LRRC8B: variants seen among roughly 807,000 people sequenced by gnomAD.
The protein encoded by LRRC8B is leucine rich repeat containing 8 VRAC subunit B, also known as volume-regulated anion channel subunit LRRC8B.
In LRRC8B, 23 loss-of-function variants were observed where a neutral mutation model predicts 58.8. That is an observed-to-expected ratio of 0.39 (90% confidence interval 0.28 to 0.55). The LOEUF (loss-of-function observed/expected upper bound fraction) is 0.55, where lower values mean the gene tolerates loss of function less well. LRRC8B is among the 20% of genes least tolerant of loss of function. The pLI is 0.62. For synonymous variants in LRRC8B, 359 were observed against 374.1 expected (o/e 0.96, Z 0.47); for missense variants, 694 against 936.0 (o/e 0.74, Z 3.37).
intron 5 of LRRC8B, among the ~76,000 whole-genome samples, chr1:89,586,663 A>G (rs1175670264): frequency 1.3e-5 from 2 of 152,256 alleles, no homozygotes; most frequent in Admixed American, 6.5e-5. Context: ...TGAATAAGAA[A>G]GAATACTTTG....
intron 3 of LRRC8B, among the ~76,000 whole-genome samples, chr1:89,573,646 T>A (rs1653630596): frequency 6.6e-6 from 1 of 152,232 alleles, no homozygotes; most frequent in Non-Finnish European, 1.5e-5. Context: ...ATTTTTGTGT[T>A]CCAGAAATAC....
At position 89,587,386 on chromosome 1, in the gene LRRC8B, T is replaced by A. The variant is rs12563963; in HGVS notation, c.2139+2597T>A. ...CCATCTCTACTAATAATAAAAAAAT[T>A]AGCCGGGCATGGTGGCACGCGCCTG... On this transcript the variant is annotated intron_variant, in intron 5 of 5. Transcript: ENST00000330947. Among the ~76,000 whole-genome samples, 70 of 152,232 alleles carry A rather than the reference T, an allele frequency of 4.6e-4. No homozygotes were observed. In the East Asian group the frequency reaches 0.013, roughly 28 times the overall value.
Position 89,577,910 on chromosome 1 carries a change from A to G in LRRC8B, c.-124-1681A>G, listed in dbSNP as rs115973584. Among the ~76,000 whole-genome samples the G allele has an allele frequency of 2.0e-3, 309 of 152,228 alleles. 3 individuals are homozygous for G. The highest frequency in any genetic ancestry group is 6.8e-3 in the African/African-American group (283 of 41,530). ...TAATTAGCTTTTTCTTCAGCTTTTG[A>G]GAGACCTAAGACTGTGGCGTAGTTA... On this transcript the variant is annotated intron_variant, in intron 3 of 5. Coordinates refer to ENST00000330947, the MANE Select transcript of LRRC8B (RefSeq NM_001369817.2).
At chr1:89,564,060 CA>C (rs1652865759) in intron 1 of LRRC8B, among the ~76,000 whole-genome samples, 1 of 152,146 alleles carries the variant, frequency 6.6e-6, no homozygotes, top group African/African-American at 2.4e-5. Flanking sequence ...ATTTTAACCA[CA>C]TTGTAATCGG....
At chr1:89,532,257 C>G (rs2100790344) in intron 1 of LRRC8B, among the ~76,000 whole-genome samples, 1 of 152,284 alleles carries the variant, frequency 6.6e-6, no homozygotes, top group African/African-American at 2.4e-5. Context: ...CTCTATTCCC[C>G]TCACCCCCAC....
chr1:89,540,969 A>G (rs1380668444), intron 1 of LRRC8B, among the ~76,000 whole-genome samples: 1 of 152,212 alleles, frequency 6.6e-6, no homozygotes, highest in Non-Finnish European at 1.5e-5. Context: ...GAAGGAGTGG[A>G]TTAAGTTTTG....
intron 1 of LRRC8B, among the ~76,000 whole-genome samples, chr1:89,541,153 A>T (rs1650936009): frequency 2.0e-5 from 3 of 152,366 alleles, no homozygotes. Flanking sequence ...CACTTTGCAC[A>T]GGAGAGGTTT....
At chr1:89,543,306 C>CA (rs1307074883) in intron 1 of LRRC8B, among the ~76,000 whole-genome samples, 1 of 152,282 alleles carries the variant, frequency 6.6e-6, no homozygotes, top group East Asian at 1.9e-4. Context: ...TAACAATACT[C>CA]AAAGTATTCA....
In LRRC8B at chr1:89,582,784, T is replaced by C. The variant is rs1654327094; in HGVS notation, c.134T>C (p.Leu45Pro). The change falls in exon 5 of 6, where the codon CTC (leucine) becomes CCC (proline). Residue 45 changes from leucine to proline, a missense_variant. Physicochemically the swap from Leu to Pro is moderately conservative, Grantham distance 98. Around this residue, in one of 5 missense-constraint regions of LRRC8B, gnomAD observed 316 missense variants for 403.8 expected, o/e 0.78. Transcript: ENST00000330947. ...CTGGTGGCCGTGCTGGCCGGAGCTC[T>C]CCAGCTGACGCAGAGCAGGGTTCTG... ...MLLVAVLAGA[L>P]QLTQSRVLCC... 6.2e-7 allele frequency: 1 copy of C among 1,614,188 alleles called. No individual in the cohort carries two copies. The highest frequency in any genetic ancestry group is 2.2e-5 in the East Asian group (1 of 44,874).
intron 1 of LRRC8B, chr1:89,558,700 A>G (rs1489119057): frequency 1.3e-5 from 2 of 152,200 alleles, no homozygotes; most frequent in African/African-American, 2.4e-5. Context: ...ACGTAAATGT[A>G]TTCCTCACAG....
At position 89,583,890 on chromosome 1, in the gene LRRC8B, C is replaced by G; in HGVS notation, c.1240C>G (p.Leu414Val). ...EWTVEKLKSK[L>V]VKNAQDKIEL... Reference sequence around the variant, plus strand: ...GACAGTTGAGAAACTGAAAAGTAAGCTTGTGAAAAATGCCCAGGACAAGAT... The same window carrying G: ...GACAGTTGAGAAACTGAAAAGTAAGGTTGTGAAAAATGCCCAGGACAAGAT... Residue 414 changes from leucine to valine, a missense_variant, in exon 5 of 6, where the codon CTT becomes GTT. Leu to Val is a conservative substitution (Grantham distance 32). Coordinates refer to ENST00000330947, the MANE Select transcript of LRRC8B (RefSeq NM_001369817.2). The surrounding 1 kb of genome is among the most constrained non-coding windows in gnomAD (Gnocchi z 5.2). 1 of 1,614,174 alleles carries G rather than the reference C, an allele frequency of 6.2e-7. No homozygotes were observed. Among genetic ancestry groups the G allele is most frequent in the Non-Finnish European group, 8.5e-7 (1 of 1,180,026 alleles).
At chr1:89,530,242 C>T (rs1218318725) in intron 1 of LRRC8B, among the ~76,000 whole-genome samples, 1 of 151,436 alleles carries the variant, frequency 6.6e-6, no homozygotes, top group Non-Finnish European at 1.5e-5. Context: ...GCCTATAGTC[C>T]CAGCTACTCG....
rs558777080 is a variant in LRRC8B at position 89,583,778 on chromosome 1, T to C, written c.1128T>C (p.Tyr376=). Residue 376 remains tyrosine (Y), a synonymous_variant, in exon 5 of 6, where the codon TAT becomes TAC. Coordinates refer to ENST00000330947, the MANE Select transcript of LRRC8B (RefSeq NM_001369817.2). This position sits in a 1 kb window ranked among gnomAD's most constrained non-coding sequence, Gnocchi z 5.2. ...FAFILHLADQ[Y]DPLYSKRFSI... ...TCATCCTTCATCTGGCTGATCAGTATGATCCTCTTTATTCCAAACGCTTCT... is the reference window on the plus strand; with the variant it reads ...TCATCCTTCATCTGGCTGATCAGTACGATCCTCTTTATTCCAAACGCTTCT... 1.4e-5 allele frequency: 23 copies of C among 1,614,216 alleles called. 2 individuals carry two copies. The South Asian group carries it at 2.5e-4, about 18-fold the overall frequency.
Position 89,583,605 on chromosome 1 carries a change from T to C in LRRC8B, c.955T>C (p.Tyr319His). 6.2e-7 allele frequency: 1 copy of C among 1,611,980 alleles called. No homozygotes were observed. Among genetic ancestry groups the C allele is most frequent in the Non-Finnish European group, 8.5e-7 (1 of 1,180,026 alleles). The change falls in exon 5 of 6, where the codon TAT becomes CAT. Residue 319 changes from tyrosine to histidine, a missense_variant. Physicochemically the swap from Tyr to His is moderately conservative, Grantham distance 83. Coordinates refer to ENST00000330947, the MANE Select transcript of LRRC8B (RefSeq NM_001369817.2). This position sits in a 1 kb window ranked among gnomAD's most constrained non-coding sequence, Gnocchi z 5.2. ...AATCTTTAAGGTCCTGGCTTCATTT[T>C]ATGTCATTTTGGTTATACTTTATGG... ...AEIFKVLASF[Y>H]VILVILYGLT...
intron 1 of LRRC8B, among the ~76,000 whole-genome samples, chr1:89,538,995 T>G (rs2100826396): frequency 6.6e-6 from 1 of 152,314 alleles, no homozygotes; most frequent in East Asian, 1.9e-4. Context: ...GTGCTGGGAT[T>G]ACAGGTGTGA....
intron 1 of LRRC8B, among the ~76,000 whole-genome samples, chr1:89,539,514 G>A (rs898152646): frequency 3.9e-5 from 6 of 152,160 alleles, no homozygotes; most frequent in African/African-American, 7.2e-5. Context: ...AATTCCCATC[G>A]TCTTTTACTT....
At chr1:89,565,331 A>G (rs1652968726) in intron 1 of LRRC8B, among the ~76,000 whole-genome samples, 3 of 152,176 alleles carry the variant, frequency 2.0e-5, no homozygotes, top group African/African-American at 7.2e-5. Flanking sequence ...GTCATTTTGG[A>G]ATGCTGTGGC....
At chr1:89,562,084 C>T (rs77339270) in intron 1 of LRRC8B, among the ~76,000 whole-genome samples, 4,409 of 150,526 alleles carry the variant, frequency 0.029, 91 homozygotes, top group Non-Finnish European at 0.041. Context: ...ACATAGGCAC[C>T]CAGTAAGTGT....
chr1:89,581,088 G>A lies in LRRC8B; in HGVS notation c.-27+1400G>A, dbSNP rs572148790. On this transcript the variant is annotated intron_variant, in intron 4 of 5. Coordinates refer to ENST00000330947, the MANE Select transcript of LRRC8B (RefSeq NM_001369817.2). Reference sequence around the variant, plus strand: ...GGGCAGATCATGAGGTCAGGAGTTCGAGACCAGCCTGGCCAACATGGTGAA... The same window carrying A: ...GGGCAGATCATGAGGTCAGGAGTTCAAGACCAGCCTGGCCAACATGGTGAA... 9.2e-5 allele frequency among the ~76,000 whole-genome samples: 14 copies of A among 152,022 alleles called. No individual in the cohort carries two copies. In the South Asian group the frequency reaches 1.5e-3, roughly 16 times the overall value.
Sources: gnomAD v4.1 joint callset for allele counts (sites outside exome capture counted in the v4.1 genomes callset) on GRCh38, gnomAD v4.1.1 for gene constraint, gnomAD v4.1.1 regional missense constraint, Gnocchi (gnomAD v3.1) non-coding constraint, MANE v1.5 for transcripts, NCBI Gene and HGNC (gene_info 2026-07-23, HGNC 2026-07-21) for gene names.